The following DNAH9 variants were observed in gnomAD, a reference collection of about 807,000 sequenced individuals.
DNAH9 encodes DNAH9 variant protein.
Under a neutral mutation model 471.6 loss-of-function variants are expected in DNAH9, and 345 were observed. The observed-to-expected ratio is 0.73, with a 90% confidence interval of 0.67 to 0.80. DNAH9 has a LOEUF of 0.80. Ranked by LOEUF, DNAH9 falls within the 30% of genes least tolerant of loss-of-function variation. The pLI is 0.00. For missense variants in DNAH9, 5,407 were observed against 5,609.2 expected, an observed-to-expected ratio of 0.96 and a Z score of 1.15; for synonymous variants, 2,093 against 2,123.6, an observed-to-expected ratio of 0.99 and a Z score of 0.40.
In DNAH9 at chr17:11,745,090, T is replaced by C. The variant is rs376650974; in HGVS notation, c.6399+6T>C. ...AGGACAACTTTGTGCTCAAGGTACA[T>C]GTGGTTTTTCCTCCCAGGATTTCTC... On this transcript the variant is annotated splice_donor_region_variant and intron_variant, in intron 31 of 68. Coordinates refer to ENST00000262442, the MANE Select transcript of DNAH9 (RefSeq NM_001372.4). 1.1e-4 allele frequency: 171 copies of C among 1,603,974 alleles called. 1 individual carries two copies. In the Middle Eastern group the frequency reaches 1.7e-3, roughly 16 times the overall value.
chr17:11,768,264 G>A (rs1331034454), intron 36 of DNAH9, among the ~76,000 whole-genome samples, 189 bp from the exon 37 acceptor site: 2 of 152,174 alleles, frequency 1.3e-5, no homozygotes, highest in Non-Finnish European at 2.9e-5. Flanking sequence ...TGGCCCCTGC[G>A]TAGTCCGGCT....
At chr17:11,825,363 G>C (rs1358138702) in intron 48 of DNAH9, among the ~76,000 whole-genome samples, 2 of 152,066 alleles carry the variant, frequency 1.3e-5, no homozygotes, top group African/African-American at 2.4e-5. Flanking sequence ...TTTTCCACCA[G>C]CCCTGTTCTC....
chr17:11,775,403 T>C (rs73975095), intron 38 of DNAH9, among the ~76,000 whole-genome samples: 3,267 of 152,128 alleles, frequency 0.021, 109 homozygotes, highest in African/African-American at 0.076. Context: ...AGCAAACCTT[T>C]TTTGCTTGAA....
chr17:11,874,932 T>C lies in DNAH9; in HGVS notation c.10243-17T>C, dbSNP rs530652658. 2.3e-5 allele frequency: 37 copies of C among 1,574,930 alleles called. No individual in the cohort carries two copies. Among genetic ancestry groups the C allele is most frequent in the South Asian group, 1.9e-4 (17 of 90,300 alleles). On this transcript the variant is annotated splice_polypyrimidine_tract_variant and intron_variant, in intron 52 of 68. Coordinates refer to ENST00000262442, the MANE Select transcript of DNAH9 (RefSeq NM_001372.4). ...TGCTTCTGTTCTGAGCGTGGGGTGG[T>C]GTTTCTTCTTCACCAGACTCCCATT...
At chr17:11,913,759 G>A (rs1973859440) in intron 61 of DNAH9, among the ~76,000 whole-genome samples, 1 of 151,186 alleles carries the variant, frequency 6.6e-6, no homozygotes, top group Non-Finnish European at 1.5e-5. Context: ...TCCAGCCTGG[G>A]CGACAGAGTG....
rs1160686356 is a variant in DNAH9, at chr17:11,693,822, A to G, written c.4615-46A>G. 1.9e-6 allele frequency: 3 copies of G among 1,611,958 alleles called. No individual in the cohort carries two copies. The South Asian group carries it at 3.3e-5, about 18-fold the overall frequency. On this transcript the variant is annotated intron_variant, in intron 20 of 68. Transcript: ENST00000262442. ...TGGCTCCATGGAGGGAGCTTCTAGG[A>G]ACTGAGTGGAGTGGTGGTTAATTGC...
chr17:11,833,697 A>G (rs966275804), intron 48 of DNAH9, among the ~76,000 whole-genome samples: 2 of 152,186 alleles, frequency 1.3e-5, no homozygotes, highest in Non-Finnish European at 2.9e-5. Context: ...GACTTCCTAC[A>G]AGTCTGACTT....
intron 64 of DNAH9, among the ~76,000 whole-genome samples, 156 bp from the exon 65 acceptor site, chr17:11,933,724 T>A (rs1364079303): frequency 6.6e-6 from 1 of 152,150 alleles, no homozygotes; most frequent in African/African-American, 2.4e-5. Context: ...CTAACCCTGC[T>A]GGGCACTGAG....
chr17:11,631,631 ACT>A (rs1308360433), intron 7 of DNAH9, among the ~76,000 whole-genome samples: 1 of 133,280 alleles, frequency 7.5e-6, no homozygotes, highest in Non-Finnish European at 1.6e-5. Context: ...ACAGAGTGAG[ACT>A]CTGTCTCAAA....
chr17:11,651,878 T>C (rs560217493), intron 13 of DNAH9, among the ~76,000 whole-genome samples: 1 of 152,026 alleles, frequency 6.6e-6, no homozygotes, highest in Non-Finnish European at 1.5e-5. Flanking sequence ...ATGACTTTCA[T>C]GAAAAGCCAT....
intron 14 of DNAH9, among the ~76,000 whole-genome samples, chr17:11,656,526 A>G (rs1052861826): frequency 2.6e-5 from 4 of 152,154 alleles, no homozygotes; most frequent in African/African-American, 9.7e-5. Context: ...AATTGTGTGG[A>G]TGCACCAGGA....
intron 1 of DNAH9, among the ~76,000 whole-genome samples, chr17:11,602,645 A>G (rs1256341527): frequency 6.6e-6 from 1 of 152,098 alleles, no homozygotes; most frequent in African/African-American, 2.4e-5. Context: ...TCTCCCCAAC[A>G]TTACTTCTAA....
At chr17:11,835,457 C>T (rs117285036) in intron 49 of DNAH9, among the ~76,000 whole-genome samples, 1 of 152,156 alleles carries the variant, frequency 6.6e-6, no homozygotes, top group Non-Finnish European at 1.5e-5. Flanking sequence ...AACTGTATGT[C>T]AACTAAATTA....
intron 49 of DNAH9, among the ~76,000 whole-genome samples, chr17:11,836,545 C>T (rs571102135): frequency 2.2e-4 from 33 of 152,252 alleles, no homozygotes; most frequent in African/African-American, 7.5e-4. Context: ...CCCGGCTGTA[C>T]CACTGTTTCT....
chr17:11,846,703 T>C (rs1194382669), intron 49 of DNAH9, among the ~76,000 whole-genome samples: 18 of 140,712 alleles, frequency 1.3e-4, no homozygotes, highest in Admixed American at 4.4e-4. Flanking sequence ...GTAGTTCTCC[T>C]TGAAGAGGTC....
chr17:11,638,960 C>T (rs939406402), intron 9 of DNAH9, among the ~76,000 whole-genome samples: 2 of 152,208 alleles, frequency 1.3e-5, no homozygotes, highest in African/African-American at 4.8e-5. Context: ...CCACCTCCAT[C>T]TTCAAGCCAG....
At chr17:11,846,324 G>A (rs1162521283) in intron 49 of DNAH9, among the ~76,000 whole-genome samples, 903 of 140,658 alleles carry the variant, frequency 6.4e-3, no homozygotes, top group African/African-American at 0.018. Context: ...GATATGCGGC[G>A]TTATTTCTGA....
chr17:11,778,557 G>C (rs1270524979), intron 38 of DNAH9, among the ~76,000 whole-genome samples: 1 of 151,956 alleles, frequency 6.6e-6, no homozygotes, highest in Non-Finnish European at 1.5e-5. Context: ...GGGTATTCTT[G>C]TCTGCCGTTT....
At chr17:11,714,551 C>G (rs986248367) in intron 26 of DNAH9, among the ~76,000 whole-genome samples, 1 of 152,110 alleles carries the variant, frequency 6.6e-6, no homozygotes, top group African/African-American at 2.4e-5. Context: ...AGGACCCTCA[C>G]CCTTCTATAG....
Sources: gnomAD v4.1 joint callset for allele counts (sites outside exome capture counted in the v4.1 genomes callset) on GRCh38, gnomAD v4.1.1 for gene constraint, MANE v1.5 for transcripts, NCBI Gene and HGNC (gene_info 2026-07-23, HGNC 2026-07-21) for gene names.